The following FER variants were observed in gnomAD, a reference collection of about 807,000 sequenced individuals.
FER encodes the protein FER tyrosine kinase, also known as tyrosine-protein kinase Fer.
A neutral mutation model predicts 111.0 loss-of-function variants in FER; 63 were observed. The observed-to-expected ratio is 0.57, with a 90% confidence interval of 0.46 to 0.70. The LOEUF (loss-of-function observed/expected upper bound fraction) is 0.70, where lower values mean the gene tolerates loss of function less well. FER is among the 30% of genes least tolerant of loss of function. FER has a pLI of 0.00. For synonymous variants in FER, 327 were observed against 313.9 expected (o/e 1.04, Z -0.44); for missense variants, 914 against 954.0 (o/e 0.96, Z 0.55).
At chr5:109,077,081 CT>C (rs1486707720) in intron 16 of FER, among the ~76,000 whole-genome samples, 1 of 152,162 alleles carries the variant, frequency 6.6e-6, no homozygotes, top group Non-Finnish European at 1.5e-5. Context: ...CCTTGACTGC[CT>C]TTTATACACT....
At chr5:108,855,612 A>G (rs1339903819) in intron 5 of FER, among the ~76,000 whole-genome samples, 6 of 151,414 alleles carry the variant, frequency 4.0e-5, no homozygotes, top group Non-Finnish European at 8.8e-5. Context: ...AAAAAAAAAG[A>G]ATACAAAAGA....
intron 14 of FER, among the ~76,000 whole-genome samples, chr5:109,044,146 T>A (rs77989329): frequency 1.3e-5 from 2 of 151,880 alleles, no homozygotes; most frequent in Non-Finnish European, 1.5e-5. Context: ...TTTCAAAATG[T>A]CATCTCTTCT....
chr5:108,855,922 G>T (rs1431513959), intron 5 of FER, among the ~76,000 whole-genome samples: 1 of 151,672 alleles, frequency 6.6e-6, no homozygotes, highest in African/African-American at 2.4e-5. Flanking sequence ...GAATTAACTG[G>T]AAGAAGTGTA....
intron 16 of FER, among the ~76,000 whole-genome samples, chr5:109,054,705 T>G (rs78011759): frequency 0.032 from 4,798 of 152,304 alleles, 98 homozygotes; most frequent in Middle Eastern, 0.1. Flanking sequence ...AAGTTTACTT[T>G]TAGAAGTTTA....
At chr5:109,025,198 A>G (rs1768527236) in intron 13 of FER, among the ~76,000 whole-genome samples, 1 of 151,848 alleles carries the variant, frequency 6.6e-6, no homozygotes, top group African/African-American at 2.4e-5. Context: ...TGAATCTATA[A>G]ATTACCTTGG....
At chr5:109,167,354 G>A (rs1253961489) in intron 17 of FER, among the ~76,000 whole-genome samples, 2 of 152,092 alleles carry the variant, frequency 1.3e-5, no homozygotes, top group South Asian at 2.1e-4. Flanking sequence ...GGGTTTTTGT[G>A]TATATGTCAG....
chr5:108,858,034 G>T (rs1580903324), intron 5 of FER, among the ~76,000 whole-genome samples: 1 of 152,186 alleles, frequency 6.6e-6, no homozygotes, highest in East Asian at 1.9e-4. Context: ...TGCTAGTGGA[G>T]TATCTTATTC....
At chr5:109,021,408 T>G (rs1014303637) in intron 13 of FER, among the ~76,000 whole-genome samples, 4 of 152,076 alleles carry the variant, frequency 2.6e-5, no homozygotes, top group African/African-American at 9.7e-5. Context: ...ATACTTAACA[T>G]AATTATCAAG....
At chr5:109,002,451 A>T (rs1263177026) in intron 13 of FER, among the ~76,000 whole-genome samples, 2 of 151,888 alleles carry the variant, frequency 1.3e-5, no homozygotes, top group Non-Finnish European at 2.9e-5. Flanking sequence ...TCCCTTCCTT[A>T]TACCTTATAC....
intron 17 of FER, among the ~76,000 whole-genome samples, chr5:109,172,862 G>A (rs1757290370): frequency 6.6e-6 from 1 of 152,042 alleles, no homozygotes; most frequent in Admixed American, 6.6e-5. Flanking sequence ...TATTGACTGA[G>A]AGAAATTTAT....
Position 109,053,478 on chromosome 5 carries a change from C to G in FER, c.1924+6280C>G, listed in dbSNP as rs925004722. Among the ~76,000 whole-genome samples the G allele has an allele frequency of 1.3e-4, 20 of 151,966 alleles. 2 individuals are homozygous for G. In the South Asian group the frequency reaches 2.3e-3, roughly 17 times the overall value. On this transcript the variant is annotated intron_variant, in intron 16 of 19. Transcript: ENST00000281092. ...CTGTAGCACCTAAATTTACTCATGC[C>G]TCTTTGTAATTCCTTTCTTCTACCT...
At chr5:109,102,460 A>G (rs973532543) in intron 17 of FER, among the ~76,000 whole-genome samples, 1 of 152,096 alleles carries the variant, frequency 6.6e-6, no homozygotes, top group Non-Finnish European at 1.5e-5. Context: ...AACAGCCATA[A>G]AGAGTCCAGT....
rs750082983 is a variant in FER, at chr5:109,051,693, G to A, written c.1924+4495G>A. ...ATTTTTGAGACCCACAGTCTTTGGC[G>A]GGGCTCAGCGGGCCAGTGGTCGCAT... On this transcript the variant is annotated intron_variant, in intron 16 of 19. Coordinates refer to ENST00000281092, the MANE Select transcript of FER (RefSeq NM_005246.4). 150 of 1,567,430 alleles carry A rather than the reference G, an allele frequency of 9.6e-5. 1 individual carries two copies. The Middle Eastern group carries it at 6.9e-3, about 72-fold the overall frequency.
intron 13 of FER, among the ~76,000 whole-genome samples, chr5:109,005,368 C>CAT (rs367893208): frequency 0.015 from 2,233 of 149,706 alleles, 55 homozygotes; most frequent in African/African-American, 0.052. Flanking sequence ...AAAACTATCC[C>CAT]GTGTGTGTGT....
intron 5 of FER, among the ~76,000 whole-genome samples, chr5:108,855,595 A>G (rs759085557): frequency 0.021 from 1,711 of 80,798 alleles, 30 homozygotes; most frequent in African/African-American, 0.11. Flanking sequence ...CACTCCAGCG[A>G]AAAAAAAAAA....
At chr5:108,929,081 G>T (rs1436229764) in intron 10 of FER, among the ~76,000 whole-genome samples, 2 of 152,018 alleles carry the variant, frequency 1.3e-5, no homozygotes, top group Non-Finnish European at 2.9e-5. Context: ...TAACCCTGAG[G>T]GGACTGGGAA....
intron 3 of FER, among the ~76,000 whole-genome samples, chr5:108,827,984 C>T (rs1759651121): frequency 6.6e-6 from 1 of 151,914 alleles, no homozygotes; most frequent in Non-Finnish European, 1.5e-5. Context: ...AACAAGCCAC[C>T]ATATCCAGCT....
chr5:109,047,336 G>A lies in FER; in HGVS notation c.1924+138G>A, dbSNP rs555549833. ...ACATTTCCAGATAACAAAAGAGTCTGTACCTATAGTCAGTATTTTTATAGG... is the reference window on the plus strand; with the variant it reads ...ACATTTCCAGATAACAAAAGAGTCTATACCTATAGTCAGTATTTTTATAGG... On this transcript the variant is annotated intron_variant, in intron 16 of 19. Transcript: ENST00000281092. 9.2e-6 allele frequency: 5 copies of A among 540,838 alleles called. No individual in the cohort carries two copies. The South Asian group carries it at 1.1e-4, about 12-fold the overall frequency. The allele number at this position is 540,838 out of a possible 1,614,324, so 33.5% of individuals were successfully genotyped here.
chr5:109,174,532 T>C (rs1402271695), intron 17 of FER, among the ~76,000 whole-genome samples: 1 of 152,182 alleles, frequency 6.6e-6, no homozygotes, highest in East Asian at 1.9e-4. Context: ...AGTTTATGGT[T>C]CCACTTCTGT....
Sources: gnomAD v4.1 joint callset for allele counts (sites outside exome capture counted in the v4.1 genomes callset) on GRCh38, gnomAD v4.1.1 for gene constraint, MANE v1.5 for transcripts, NCBI Gene and HGNC (gene_info 2026-07-23, HGNC 2026-07-21) for gene names.